The following PTCHD4 variants were observed in gnomAD, a reference collection of about 807,000 sequenced individuals.
The protein encoded by PTCHD4 is patched domain-containing protein 4.
Under a neutral mutation model 58.1 loss-of-function variants are expected in PTCHD4, and 33 were observed. The ratio of observed to expected loss-of-function variants is 0.57; its 90% CI spans 0.43 to 0.76. The LOEUF is 0.76. Among genes scored for constraint, PTCHD4 ranks in the 30% least tolerant of loss-of-function variants. The pLI, the probability that PTCHD4 is intolerant of heterozygous loss-of-function variation, is 0.00. For synonymous variants in PTCHD4, 478 were observed against 409.6 expected (o/e 1.17, Z -2.02); for missense variants, 1,058 against 1,027.1 (o/e 1.03, Z -0.41).
At chr6:47,914,764 C>T (rs868777708) in intron 4 of PTCHD4, among the ~76,000 whole-genome samples, 105 of 148,444 alleles carry the variant, frequency 7.1e-4, no homozygotes, top group Middle Eastern at 3.4e-3. Flanking sequence ...ATCTATCTAT[C>T]TATCTATCTA....
chr6:48,102,958 G>A (rs948423161), intron 1 of PTCHD4, among the ~76,000 whole-genome samples: 5 of 152,214 alleles, frequency 3.3e-5, no homozygotes, highest in African/African-American at 1.2e-4. Context: ...TGGCCAGGAA[G>A]CTCAAACTGG....
At chr6:48,051,918 C>T (rs540232795) in intron 3 of PTCHD4, among the ~76,000 whole-genome samples, 3 of 151,940 alleles carry the variant, frequency 2.0e-5, no homozygotes, top group Non-Finnish European at 4.4e-5. Context: ...TCATTTTGGA[C>T]TAACTTTTAA....
intron 4 of PTCHD4, among the ~76,000 whole-genome samples, chr6:47,918,581 A>G (rs1269965028): frequency 6.6e-6 from 1 of 152,090 alleles, no homozygotes; most frequent in African/African-American, 2.4e-5. Context: ...AGCTATAGGC[A>G]TATTTAACTG....
intron 4 of PTCHD4, among the ~76,000 whole-genome samples, chr6:47,957,826 G>A (rs534312343): frequency 1.3e-5 from 2 of 151,788 alleles, no homozygotes; most frequent in Non-Finnish European, 2.9e-5. Context: ...GGATGGTTTC[G>A]ATCACCTTAC....
chr6:47,909,464 C>A (rs537860404), intron 4 of PTCHD4, among the ~76,000 whole-genome samples: 1 of 152,074 alleles, frequency 6.6e-6, no homozygotes, highest in South Asian at 2.1e-4. Context: ...TGCTCAAAAC[C>A]TTATTAATAT....
intron 4 of PTCHD4, among the ~76,000 whole-genome samples, chr6:47,897,304 A>G (rs1282181745): frequency 1.3e-5 from 2 of 152,184 alleles, no homozygotes; most frequent in Non-Finnish European, 1.5e-5. Flanking sequence ...CCTCTAAAAC[A>G]GTAAGTAAGT....
chr6:47,984,807 A>G (rs1383155615), intron 4 of PTCHD4, among the ~76,000 whole-genome samples: 1 of 152,116 alleles, frequency 6.6e-6, no homozygotes, highest in African/African-American at 2.4e-5. Flanking sequence ...CTTATGATCT[A>G]AAATAAAATA....
intron 4 of PTCHD4, among the ~76,000 whole-genome samples, chr6:47,952,644 A>T (rs1016862210): frequency 3.9e-5 from 6 of 152,118 alleles, no homozygotes; most frequent in African/African-American, 1.4e-4. Context: ...CTTTATTTAG[A>T]TATGCAAATG....
chr6:47,963,701 G>A (rs1767183660), intron 4 of PTCHD4, among the ~76,000 whole-genome samples: 1 of 152,040 alleles, frequency 6.6e-6, no homozygotes, highest in Non-Finnish European at 1.5e-5. Context: ...GGTTAACCTG[G>A]AGAACATTAT....
intron 3 of PTCHD4, among the ~76,000 whole-genome samples, chr6:48,020,353 A>G (rs1477416718): frequency 1.3e-5 from 2 of 152,094 alleles, no homozygotes; most frequent in Non-Finnish European, 2.9e-5. Context: ...AAGAACCACC[A>G]CTTCTGGAGT....
At chr6:48,036,725 G>T (rs1409471733) in intron 3 of PTCHD4, among the ~76,000 whole-genome samples, 3 of 152,090 alleles carry the variant, frequency 2.0e-5, no homozygotes, top group Non-Finnish European at 2.9e-5. Context: ...AAAGACAATA[G>T]GTGAAAGTTG....
At chr6:47,880,784 CA>C (rs1279095328) in intron 4 of PTCHD4, among the ~76,000 whole-genome samples, 1 of 152,144 alleles carries the variant, frequency 6.6e-6, no homozygotes, top group Non-Finnish European at 1.5e-5. Flanking sequence ...CAGTGTATGC[CA>C]GACTCTGGTA....
At chr6:48,059,302 C>A (rs567786239) in intron 3 of PTCHD4, among the ~76,000 whole-genome samples, 1 of 152,078 alleles carries the variant, frequency 6.6e-6, no homozygotes, top group African/African-American at 2.4e-5. Context: ...TTAATACACT[C>A]AATACTGTAA....
chr6:47,985,356 T>C (rs1768023867), intron 4 of PTCHD4, among the ~76,000 whole-genome samples: 1 of 152,122 alleles, frequency 6.6e-6, no homozygotes, highest in Admixed American at 6.5e-5. Flanking sequence ...TGCAATTTTA[T>C]GAAGTAGCTA....
chr6:47,937,834 A>G (rs1185739310), intron 4 of PTCHD4, among the ~76,000 whole-genome samples: 1 of 152,186 alleles, frequency 6.6e-6, no homozygotes, highest in Non-Finnish European at 1.5e-5. Flanking sequence ...AATAAAACCA[A>G]GAAGGAGACT....
chr6:47,881,280 G>C (rs1297913358), intron 4 of PTCHD4, among the ~76,000 whole-genome samples: 1 of 152,160 alleles, frequency 6.6e-6, no homozygotes, highest in Non-Finnish European at 1.5e-5. Flanking sequence ...ATTGCCGATA[G>C]CTTTTGCTAA....
At chr6:47,884,818 A>T (rs1182294494) in intron 4 of PTCHD4, among the ~76,000 whole-genome samples, 1 of 152,226 alleles carries the variant, frequency 6.6e-6, no homozygotes, top group Non-Finnish European at 1.5e-5. Context: ...CTGAGGGATC[A>T]GGGAAAGCTT....
At chr6:48,046,847 G>A (rs1582073296) in intron 3 of PTCHD4, among the ~76,000 whole-genome samples, 1 of 151,842 alleles carries the variant, frequency 6.6e-6, no homozygotes, top group South Asian at 2.1e-4. Context: ...CCTCTTTGGG[G>A]CATATTAAAA....
At chr6:47,935,452 C>T (rs1256704216) in intron 4 of PTCHD4, among the ~76,000 whole-genome samples, 8 of 152,106 alleles carry the variant, frequency 5.3e-5, no homozygotes, top group South Asian at 2.1e-4. Flanking sequence ...GCTCATCTTG[C>T]GCTTTCTGCC....
Sources: gnomAD v4.1 joint callset for allele counts (sites outside exome capture counted in the v4.1 genomes callset) on GRCh38, gnomAD v4.1.1 for gene constraint, MANE v1.5 for transcripts, NCBI Gene and HGNC (gene_info 2026-07-23, HGNC 2026-07-21) for gene names.